ECHDC2: variants seen among roughly 807,000 people sequenced by gnomAD.
The protein encoded by ECHDC2 is enoyl-CoA hydratase domain containing 2, also known as enoyl-CoA hydratase domain-containing protein 2, mitochondrial.
In ECHDC2, 34 loss-of-function variants were observed where a neutral mutation model predicts 40.6. The observed-to-expected ratio is 0.84, with a 90% CI of 0.64 to 1.11. The LOEUF (loss-of-function observed/expected upper bound fraction) is 1.11. Among genes scored for constraint, ECHDC2 ranks in the 50% most tolerant of loss-of-function variants. ECHDC2 has a pLI of 0.00. For missense variants in ECHDC2, 392 were observed against 400.7 expected (o/e 0.98, Z 0.19); for synonymous variants, 162 against 166.6 (o/e 0.97, Z 0.21).
intron 1 of ECHDC2, chr1:52,917,648 T>C (rs74482100): frequency 0.033 from 15,249 of 456,024 alleles, 503 homozygotes; most frequent in East Asian, 0.18. Context: ...TTAATTACAG[T>C]CATGCACAGC....
chr1:52,898,858 T>G, intron 8 of ECHDC2: 1 of 441,866 alleles, frequency 2.3e-6, no homozygotes, highest in East Asian at 4.9e-5. Flanking sequence ...TCTTGCAGCA[T>G]GGACTGGCAG....
At chr1:52,899,430 G>A in intron 7 of ECHDC2, 1 of 592,762 alleles carries the variant, frequency 1.7e-6, no homozygotes. Flanking sequence ...TCTGATCCCT[G>A]AACACCTGGG....
chr1:52,921,351 C>G, intron 1 of ECHDC2: 1 of 1,272,504 alleles, frequency 7.9e-7, no homozygotes, highest in Non-Finnish European at 1.0e-6. Context: ...TTGCCAGAGG[C>G]CCCCCGCCCC....
rs112302658 is a variant in ECHDC2 at position 52,917,412 on chromosome 1, C to T, written c.121+4141G>A. On this transcript the variant is annotated intron_variant, in intron 1 of 9. Transcript: ENST00000371522. ...TAGAAGAGAGACAAGTTCAGACACACGAAACATAAAAGGACAGTGTGGGGG... is the reference window on the plus strand; with the variant it reads ...TAGAAGAGAGACAAGTTCAGACACATGAAACATAAAAGGACAGTGTGGGGG... 1,293 of 362,570 alleles carry T rather than the reference C, an allele frequency of 3.6e-3. 9 individuals carry two copies. The highest frequency in any genetic ancestry group is 0.025 in the African/African-American group (1,185 of 47,110). 22.5% of individuals were successfully genotyped at this position (362,570 alleles called of 1,614,324 possible).
Position 52,921,568 on chromosome 1 carries a change from C to A in ECHDC2, c.106G>T (p.Ala36Ser). ...GCACATTTACCTTGGTCCGGACCCGCCAGGGCGCGCACTTGGATCTCTGAG... is the reference window on the plus strand; with the variant it reads ...GCACATTTACCTTGGTCCGGACCCGACAGGGCGCGCACTTGGATCTCTGAG... Reference protein sequence around the residue: ...GGSEIQVRALAGPDQGITEIL... With the variant: ...GGSEIQVRALSGPDQGITEIL... The change falls in exon 1 of 10, where the codon GCG becomes TCG. Residue 36 changes from alanine to serine, a missense_variant. Coordinates refer to ENST00000371522, the MANE Select transcript of ECHDC2 (RefSeq NM_001198961.2). 1 of 1,609,776 alleles carries A rather than the reference C, an allele frequency of 6.2e-7. No individual in the cohort carries two copies.
chr1:52,900,462 C>A (rs1239335151), intron 7 of ECHDC2: 2 of 152,150 alleles, frequency 1.3e-5, no homozygotes, highest in Admixed American at 1.3e-4. Flanking sequence ...GAATTCCTTA[C>A]TATGCATATT....
chr1:52,906,500 C>G lies in ECHDC2; in HGVS notation c.457+19G>C. On this transcript the variant is annotated intron_variant, in intron 5 of 9. Coordinates refer to ENST00000371522, the MANE Select transcript of ECHDC2 (RefSeq NM_001198961.2). ...TGACTCCCTAGCCCCACCCCCTGCC[C>G]CCAGTCCTGGCCCAGTACCTGCCAC... The G allele has an allele frequency of 6.3e-7, 1 of 1,597,488 alleles. No homozygotes were observed. The highest frequency in any genetic ancestry group is 1.1e-5 in the South Asian group (1 of 88,610).
intron 7 of ECHDC2, chr1:52,900,809 C>T (rs1234805916): frequency 6.6e-6 from 1 of 152,210 alleles, no homozygotes; most frequent in Non-Finnish European, 1.5e-5. Flanking sequence ...TCTTACTCCT[C>T]TGTTCTTTTA....
At chr1:52,906,495 C>T (rs757845274) in intron 5 of ECHDC2, 24 bp downstream of exon 5, 24 of 1,586,304 alleles carry the variant, frequency 1.5e-5, no homozygotes, top group Non-Finnish European at 1.9e-5. Context: ...GCCCCACCCC[C>T]TGCCCCCAGT....
chr1:52,911,607 A>C lies in ECHDC2; in HGVS notation c.236T>G (p.Val79Gly), dbSNP rs747278747. ...CTTCACTCCACTTCTGAAGAGCAGGACACGCACTTGCCGGTCCTCCCGCAG... is the reference window on the plus strand; with the variant it reads ...CTTCACTCCACTTCTGAAGAGCAGGCCACGCACTTGCCGGTCCTCCCGCAG... ...AQLREDRQVR[V>G]LLFRSGVKGV... The change falls in exon 3 of 10, where the codon GTC becomes GGC. Residue 79 changes from valine to glycine, a missense_variant. Transcript: ENST00000371522. 1.9e-6 allele frequency: 3 copies of C among 1,614,162 alleles called. No homozygotes were observed. The East Asian group carries it at 6.7e-5, about 36-fold the overall frequency.
chr1:52,897,420 G>A lies in ECHDC2; in HGVS notation c.801+17C>T, dbSNP rs1248009329. 6.2e-7 allele frequency: 1 copy of A among 1,613,784 alleles called. No homozygotes were observed. Among genetic ancestry groups the A allele is most frequent in the South Asian group, 1.1e-5 (1 of 91,086 alleles). On this transcript the variant is annotated intron_variant, in intron 9 of 9. Transcript: ENST00000371522. Reference sequence around the variant, plus strand: ...CAGCCTATGTTAACAAGCAGGCATGGGCTGGTTGCTACATACCTGGGCATA... The same window carrying A: ...CAGCCTATGTTAACAAGCAGGCATGAGCTGGTTGCTACATACCTGGGCATA...
intron 7 of ECHDC2, among the ~76,000 whole-genome samples, chr1:52,902,385 G>A (rs1001279801): frequency 6.6e-6 from 1 of 151,948 alleles, no homozygotes; most frequent in Non-Finnish European, 1.5e-5. Context: ...TCAAACTCCT[G>A]GCATCAAGTG....
At position 52,921,621 on chromosome 1, in the gene ECHDC2, C is replaced by G. The variant is rs1015794664; in HGVS notation, c.53G>C (p.Gly18Ala). Residue 18 changes from glycine to alanine, a missense_variant, in exon 1 of 10, where the codon GGC becomes GCC. By Grantham distance (60) the Gly-to-Ala change is moderately conservative. Transcript: ENST00000371522. ...LRPWRPLRAR[G>A]CASDGAAGGS... ...CCCGGCCGCCCCGTCGGAAGCGCAG[C>G]CGCGGGCCCGAAGGGGCCTCCAGGG... 6.3e-7 allele frequency: 1 copy of G among 1,596,746 alleles called. No individual in the cohort carries two copies. The highest frequency in any genetic ancestry group is 8.5e-7 in the Non-Finnish European group (1 of 1,172,542).
At chr1:52,915,772 T>C (rs1057403170) in intron 1 of ECHDC2, among the ~76,000 whole-genome samples, 1 of 152,206 alleles carries the variant, frequency 6.6e-6, no homozygotes, top group African/African-American at 2.4e-5. Context: ...AGCAATAGTA[T>C]ACAGCAAAGG....
At chr1:52,906,191 C>T (rs560563000) in intron 5 of ECHDC2, 3 of 386,554 alleles carry the variant, frequency 7.8e-6, no homozygotes, top group Admixed American at 3.5e-5. Flanking sequence ...GAAACATGGT[C>T]GATAAATCTG....
At chr1:52,906,834 G>A (rs1399145695) in intron 4 of ECHDC2, among the ~76,000 whole-genome samples, 1 of 134,786 alleles carries the variant, frequency 7.4e-6, no homozygotes, top group East Asian at 2.3e-4. Context: ...GCATGATCTT[G>A]GCTCACTGCA....
At chr1:52,915,491 C>T (rs1199613189) in intron 1 of ECHDC2, among the ~76,000 whole-genome samples, 1 of 152,196 alleles carries the variant, frequency 6.6e-6, no homozygotes, top group African/African-American at 2.4e-5. Context: ...GCAAAGAGCT[C>T]TTAGAGCCCA....
intron 8 of ECHDC2, chr1:52,898,299 C>G (rs1173134784): frequency 6.6e-6 from 1 of 152,378 alleles, no homozygotes; most frequent in African/African-American, 2.4e-5. Context: ...CGGCTCACTG[C>G]AAACTCCGCC....
At chr1:52,905,212 CA>C in intron 5 of ECHDC2, 122 bp from the exon 6 acceptor site, 1 of 1,057,944 alleles carries the variant, frequency 9.5e-7, no homozygotes, top group Non-Finnish European at 1.4e-6. Flanking sequence ...ATGGTCTGGC[CA>C]CAGCCAGGCC....
Sources: allele counts gnomAD v4.1 joint callset (sites outside exome capture counted in the v4.1 genomes callset), GRCh38; gene constraint gnomAD v4.1.1; transcripts MANE v1.5; gene names NCBI Gene and HGNC (gene_info 2026-07-23, HGNC 2026-07-21).